Variants in DNAH7 observed in about 807,000 individuals in gnomAD.
The protein encoded by DNAH7 is axonemal beta dynein heavy chain 7.
DNAH7 carries 397 observed loss-of-function variants against 444.6 expected under a neutral mutation model. The observed-to-expected ratio is 0.89, with a 90% CI of 0.82 to 0.97. DNAH7 has a LOEUF of 0.97. Among genes scored for constraint, DNAH7 ranks in the 50% least tolerant of loss-of-function variants. The pLI, the probability that DNAH7 is intolerant of heterozygous loss-of-function variation, is 0.00. For missense variants in DNAH7, 4,902 were observed against 4,800.8 expected, an observed-to-expected ratio of 1.02 and a Z score of -0.62; for synonymous variants, 1,636 against 1,624.4, an observed-to-expected ratio of 1.01 and a Z score of -0.17.
intron 6 of DNAH7, among the ~76,000 whole-genome samples, chr2:196,027,476 T>G (rs1397344790): frequency 6.6e-6 from 1 of 151,996 alleles, no homozygotes; most frequent in African/African-American, 2.4e-5. Flanking sequence ...AACATTTAAC[T>G]TCAATATACG....
intron 33 of DNAH7, among the ~76,000 whole-genome samples, chr2:195,887,847 G>A (rs1390018245): frequency 9.4e-6 from 1 of 106,398 alleles, no homozygotes; most frequent in Non-Finnish European, 1.8e-5. Flanking sequence ...CCCCTCCCCA[G>A]TGTGTACTGA....
intron 19 of DNAH7, among the ~76,000 whole-genome samples, chr2:195,954,876 T>G (rs561273848): frequency 1.3e-5 from 2 of 152,244 alleles, no homozygotes; most frequent in East Asian, 1.9e-4. Flanking sequence ...GATGGGGTTG[T>G]TTTTTTCTTG....
chr2:195,910,045 A>G lies in DNAH7; in HGVS notation c.4086T>C (p.Ala1362=). 1 of 1,612,512 alleles carries G rather than the reference A, an allele frequency of 6.2e-7. No homozygotes were observed. The highest frequency in any genetic ancestry group is 8.5e-7 in the Non-Finnish European group (1 of 1,179,256). ...TTCAAACCTTAAAGAATTTTCCCAA[A>G]GCCAAATAATCCAACCCATCAGAGC... is the stretch of plus-strand genomic sequence containing the variant. ...FNCSDGLDYL[A]LGKFFKGLLS... The change falls in exon 25 of 65, where the codon GCT becomes GCC. Residue 1362 remains alanine, a synonymous_variant. Coordinates refer to ENST00000312428, the MANE Select transcript of DNAH7 (RefSeq NM_018897.3).
In DNAH7 at chr2:195,930,927, A is replaced by G. The variant is rs145528361; in HGVS notation, c.3471+3664T>C. Among the ~76,000 whole-genome samples, 103 of 152,276 alleles carry G rather than the reference A, an allele frequency of 6.8e-4. 1 individual carries two copies. The highest frequency in any genetic ancestry group is 1.3e-3 in the Admixed American group (20 of 15,290). ...CCTAAGCGAATTAACACAGGAACAG[A>G]AAATCAAATACCACACGTTCCCACT... On this transcript the variant is annotated intron_variant, in intron 21 of 64. Transcript: ENST00000312428.
At chr2:196,037,174 C>T (rs1238087569) in intron 5 of DNAH7, among the ~76,000 whole-genome samples, 1 of 152,122 alleles carries the variant, frequency 6.6e-6, no homozygotes, top group Non-Finnish European at 1.5e-5. Context: ...ACGAACATTA[C>T]ACTATGGTGT....
intron 21 of DNAH7, among the ~76,000 whole-genome samples, chr2:195,928,794 C>G (rs1688505567): frequency 6.6e-6 from 1 of 151,802 alleles, no homozygotes; most frequent in African/African-American, 2.4e-5. Context: ...CATCTAGATT[C>G]CAGTGAATTT....
At chr2:195,766,167 A>ATTTTTTTTTTTTTTGTTTTTTTTTTTT (rs1694571294) in intron 61 of DNAH7, among the ~76,000 whole-genome samples, 1 of 57,328 alleles carries the variant, frequency 1.7e-5, no homozygotes. Flanking sequence ...GTGGGAGCTA[A>ATTTTTTTTTTTTTTGTTTTTTTTTTTT]TTTTTTTTTT....
At chr2:195,781,891 G>C (rs1695397799) in intron 58 of DNAH7, among the ~76,000 whole-genome samples, 1 of 150,958 alleles carries the variant, frequency 6.6e-6, no homozygotes, top group Non-Finnish European at 1.5e-5. Flanking sequence ...ACAGGAAAAT[G>C]TCCAGGCACA....
At chr2:195,975,340 A>C (rs1046705769) in intron 15 of DNAH7, among the ~76,000 whole-genome samples, 8 of 151,540 alleles carry the variant, frequency 5.3e-5, no homozygotes, top group African/African-American at 9.7e-5. Context: ...GCCAACATGC[A>C]CAGACCTCAG....
intron 19 of DNAH7, among the ~76,000 whole-genome samples, chr2:195,939,871 G>A (rs190350692): frequency 4.9e-4 from 74 of 152,196 alleles, no homozygotes; most frequent in Admixed American, 2.0e-3. Flanking sequence ...AGAAATAAGA[G>A]AGAACACAAA....
intron 47 of DNAH7, among the ~76,000 whole-genome samples, chr2:195,840,134 A>T (rs1698596668): frequency 6.6e-6 from 1 of 151,754 alleles, no homozygotes; most frequent in Non-Finnish European, 1.5e-5. Flanking sequence ...CGAATCCAAA[A>T]ATATATAAAT....
intron 57 of DNAH7, among the ~76,000 whole-genome samples, chr2:195,788,812 TA>T (rs1487987942): frequency 1.3e-5 from 2 of 152,246 alleles, no homozygotes; most frequent in African/African-American, 4.8e-5. Flanking sequence ...TCATCACTTC[TA>T]AAATATGTAT....
rs1311237788 is a variant in DNAH7, at chr2:195,864,306, G to C, written c.7349C>G (p.Thr2450Arg). 1 of 1,613,998 alleles carries C rather than the reference G, an allele frequency of 6.2e-7. No individual in the cohort carries two copies. Among genetic ancestry groups the C allele is most frequent in the Admixed American group, 1.7e-5 (1 of 59,990 alleles). The change falls in exon 41 of 65, where the codon ACA becomes AGA. Residue 2450 changes from threonine (T) to arginine (R), a missense_variant. Thr to Arg is a moderately conservative substitution (Grantham distance 71). Coordinates refer to ENST00000312428, the MANE Select transcript of DNAH7 (RefSeq NM_018897.3). Reference protein sequence around the residue: ...LDRQRDKTKQTDGSPIALFNM... With the variant: ...LDRQRDKTKQRDGSPIALFNM... ...GAAAAGGGCTATGGGGCTGCCATCT[G>C]TTTGCTTGGTTTTATCCCGCTGGCG...
intron 38 of DNAH7, among the ~76,000 whole-genome samples, chr2:195,874,963 T>C (rs921759079): frequency 1.3e-5 from 2 of 152,184 alleles, no homozygotes; most frequent in South Asian, 2.1e-4. Context: ...AAGTGGTATA[T>C]CAACACAAGC....
chr2:195,848,905 G>A lies in DNAH7; in HGVS notation c.8782-3740C>T, dbSNP rs77005478. Among the ~76,000 whole-genome samples, 361 of 152,248 alleles carry A rather than the reference G, an allele frequency of 2.4e-3. 1 individual carries two copies. The highest frequency in any genetic ancestry group is 6.2e-3 in the African/African-American group (259 of 41,540). On this transcript the variant is annotated intron_variant, in intron 46 of 64. Transcript: ENST00000312428. ...AACTACTTACAAGAAAGAATTCTGC[G>A]TTTTTAACTGTTATTTAAAATGGTT... is the stretch of plus-strand genomic sequence containing the variant.
chr2:195,886,554 T>A (rs146825303), intron 33 of DNAH7, among the ~76,000 whole-genome samples: 8 of 152,308 alleles, frequency 5.3e-5, no homozygotes, highest in African/African-American at 1.9e-4. Flanking sequence ...GTATACTAAT[T>A]TTATAAATAA....
chr2:196,006,893 C>A (rs748266799), intron 10 of DNAH7, among the ~76,000 whole-genome samples: 3 of 151,844 alleles, frequency 2.0e-5, no homozygotes, highest in Non-Finnish European at 4.4e-5. Flanking sequence ...TACATAATTA[C>A]ATACAAAAAA....
At chr2:195,998,638 A>C (rs1021914859) in intron 12 of DNAH7, 3 of 152,664 alleles carry the variant, frequency 2.0e-5, no homozygotes, top group African/African-American at 7.2e-5. Flanking sequence ...TAACTTGTTA[A>C]ATTTGTCTTG....
intron 36 of DNAH7, among the ~76,000 whole-genome samples, chr2:195,880,342 T>C (rs1190875778): frequency 6.6e-6 from 1 of 150,954 alleles, no homozygotes; most frequent in African/African-American, 2.4e-5. Context: ...TTTTTTTTTT[T>C]TTTTGAGACG....
Sources: allele counts gnomAD v4.1 joint callset (sites outside exome capture counted in the v4.1 genomes callset), GRCh38; gene constraint gnomAD v4.1.1; transcripts MANE v1.5; gene names NCBI Gene and HGNC (gene_info 2026-07-23, HGNC 2026-07-21).